Variants in LDLRAD3 observed in about 807,000 individuals in gnomAD.
LDLRAD3 encodes the protein low-density lipoprotein receptor class A domain-containing protein 3.
LDLRAD3 carries 20 observed loss-of-function variants against 29.4 expected under a neutral mutation model. The observed-to-expected ratio is 0.68, with a 90% confidence interval of 0.48 to 0.99. The LOEUF (loss-of-function observed/expected upper bound fraction) is 0.99, where lower values mean the gene tolerates loss of function less well. Ranked by LOEUF, LDLRAD3 falls within the 50% of genes least tolerant of loss-of-function variation. LDLRAD3 has a pLI of 0.00. For missense variants in LDLRAD3, 420 were observed against 454.3 expected (o/e 0.92, Z 0.69); for synonymous variants, 157 against 192.7 (o/e 0.81, Z 1.53).
intron 4 of LDLRAD3, among the ~76,000 whole-genome samples, chr11:36,215,615 C>T (rs1358442508): frequency 1.3e-5 from 2 of 152,118 alleles, no homozygotes; most frequent in Non-Finnish European, 2.9e-5. Flanking sequence ...AGAACAAGAA[C>T]CCAGTGTGTG....
At chr11:36,150,109 G>A (rs933505242) in intron 4 of LDLRAD3, among the ~76,000 whole-genome samples, 2 of 152,148 alleles carry the variant, frequency 1.3e-5, no homozygotes, top group Non-Finnish European at 2.9e-5. Flanking sequence ...GGGACTGTGT[G>A]GTGTCCCATC....
At chr11:36,170,694 C>T (rs996780304) in intron 4 of LDLRAD3, among the ~76,000 whole-genome samples, 1 of 152,054 alleles carries the variant, frequency 6.6e-6, no homozygotes, top group African/African-American at 2.4e-5. Flanking sequence ...TAATGATGGC[C>T]ATTCTTGCAA....
chr11:36,081,420 G>A (rs1853111627), intron 2 of LDLRAD3, among the ~76,000 whole-genome samples: 1 of 152,168 alleles, frequency 6.6e-6, no homozygotes, highest in Non-Finnish European at 1.5e-5. Flanking sequence ...TGTGGTGCAG[G>A]GGCTATGTTA....
intron 1 of LDLRAD3, among the ~76,000 whole-genome samples, chr11:35,958,369 G>C (rs1207070843): frequency 1.3e-5 from 2 of 152,158 alleles, no homozygotes; most frequent in East Asian, 3.8e-4. Context: ...TTACGAAACA[G>C]ATGATTCAAA....
At chr11:36,049,212 C>G (rs1217999343) in intron 2 of LDLRAD3, among the ~76,000 whole-genome samples, 1 of 151,932 alleles carries the variant, frequency 6.6e-6, no homozygotes, top group Non-Finnish European at 1.5e-5. Flanking sequence ...CACAGAACAT[C>G]AAAAAAAATT....
At chr11:36,053,051 G>A in intron 2 of LDLRAD3, among the ~76,000 whole-genome samples, 1 of 151,978 alleles carries the variant, frequency 6.6e-6, no homozygotes, top group Middle Eastern at 3.2e-3. Flanking sequence ...GTGCCAAAGG[G>A]AGAAAGGAGA....
chr11:36,002,924 C>T (rs754983227), intron 1 of LDLRAD3, among the ~76,000 whole-genome samples: 1 of 152,180 alleles, frequency 6.6e-6, no homozygotes, highest in Non-Finnish European at 1.5e-5. Context: ...CAACAGTGCC[C>T]ATTTTATCCC....
At chr11:36,086,813 A>G (rs1302825495) in intron 3 of LDLRAD3, among the ~76,000 whole-genome samples, 1 of 152,184 alleles carries the variant, frequency 6.6e-6, no homozygotes, top group Non-Finnish European at 1.5e-5. Context: ...CATTCTCTTC[A>G]GGTTTTTTAA....
chr11:36,043,188 T>C (rs2133216213), intron 2 of LDLRAD3, among the ~76,000 whole-genome samples: 1 of 152,296 alleles, frequency 6.6e-6, no homozygotes, highest in African/African-American at 2.4e-5. Flanking sequence ...GGCGGGAGCC[T>C]GTAATCCCAG....
At chr11:35,992,798 C>T (rs1244891527) in intron 1 of LDLRAD3, among the ~76,000 whole-genome samples, 1 of 152,090 alleles carries the variant, frequency 6.6e-6, no homozygotes, top group Non-Finnish European at 1.5e-5. Flanking sequence ...CACAACTCTG[C>T]ATATACCAAA....
At chr11:36,006,070 C>T (rs1471372450) in intron 1 of LDLRAD3, among the ~76,000 whole-genome samples, 2 of 152,108 alleles carry the variant, frequency 1.3e-5, no homozygotes, top group Non-Finnish European at 2.9e-5. Flanking sequence ...AAAAACTGCG[C>T]CCTTGCCCAC....
chr11:36,057,636 T>G (rs2133230280), intron 2 of LDLRAD3, among the ~76,000 whole-genome samples: 1 of 152,350 alleles, frequency 6.6e-6, no homozygotes, highest in South Asian at 2.1e-4. Flanking sequence ...CTCTCCTTTG[T>G]TTGCTGAGAT....
chr11:36,124,880 C>T (rs977977116), intron 4 of LDLRAD3, among the ~76,000 whole-genome samples: 1 of 151,876 alleles, frequency 6.6e-6, no homozygotes, highest in Non-Finnish European at 1.5e-5. Context: ...TTAGTAGAGA[C>T]GGGGTTTCGC....
intron 1 of LDLRAD3, chr11:35,968,484 C>T: frequency 2.7e-6 from 1 of 363,708 alleles, no homozygotes; most frequent in Non-Finnish European, 5.5e-6. Flanking sequence ...TCTGGATCTT[C>T]TTTTTCTTTT....
At chr11:36,104,691 C>G (rs923269301) in intron 4 of LDLRAD3, among the ~76,000 whole-genome samples, 1 of 152,158 alleles carries the variant, frequency 6.6e-6, no homozygotes, top group African/African-American at 2.4e-5. Context: ...TATCACACCC[C>G]TTTTCTAGAT....
At chr11:36,089,662 G>A (rs1853247694) in intron 3 of LDLRAD3, among the ~76,000 whole-genome samples, 2 of 152,032 alleles carry the variant, frequency 1.3e-5, no homozygotes, top group South Asian at 2.1e-4. Flanking sequence ...GTGCAGTGGT[G>A]CAATCATAGC....
intron 1 of LDLRAD3, among the ~76,000 whole-genome samples, chr11:35,958,214 A>C (rs1333122919): frequency 6.6e-6 from 1 of 152,230 alleles, no homozygotes; most frequent in South Asian, 2.1e-4. Context: ...TCAGTTTCTC[A>C]GTCACACCCA....
intron 1 of LDLRAD3, among the ~76,000 whole-genome samples, chr11:36,033,252 TCAGAAGAG>T (rs1852261883): frequency 6.6e-6 from 1 of 152,144 alleles, no homozygotes; most frequent in African/African-American, 2.4e-5. Flanking sequence ...ATGCGGTTGC[TCAGAAGAG>T]CAAAAAGCAT....
intron 4 of LDLRAD3, among the ~76,000 whole-genome samples, chr11:36,121,800 G>A (rs2133296752): frequency 6.6e-6 from 1 of 152,358 alleles, no homozygotes; most frequent in South Asian, 2.1e-4. Flanking sequence ...TGCTGTGCCA[G>A]TGTGGGAGCA....
Sources: gnomAD v4.1 joint callset for allele counts (sites outside exome capture counted in the v4.1 genomes callset) on GRCh38, gnomAD v4.1.1 for gene constraint, MANE v1.5 for transcripts, NCBI Gene and HGNC (gene_info 2026-07-23, HGNC 2026-07-21) for gene names.